ZNF514: variants seen among roughly 807,000 people sequenced by gnomAD.
ZNF514 encodes zinc finger protein 514.
ZNF514 carries 12 observed loss-of-function variants against 9.7 expected under a neutral mutation model. The observed-to-expected ratio is 1.24, with a 90% CI of 0.79 to 2.01. The LOEUF (loss-of-function observed/expected upper bound fraction) is 2.01. Among genes scored for constraint, ZNF514 ranks in the 30% most tolerant of loss-of-function variants. The pLI is 0.00. For synonymous variants in ZNF514, 158 were observed against 163.7 expected (o/e 0.97, Z 0.27); for missense variants, 467 against 465.5 (o/e 1.00, Z -0.03).
intron 2 of ZNF514, among the ~76,000 whole-genome samples, chr2:95,155,970 C>T (rs1272442211): frequency 6.6e-6 from 1 of 152,200 alleles, no homozygotes; most frequent in African/African-American, 2.4e-5. Flanking sequence ...GAGTCACAGT[C>T]AGCCCACTAC....
chr2:95,134,717 G>A, the ZNF514 span, among the ~76,000 whole-genome samples: 2 of 152,088 alleles, frequency 1.3e-5, no homozygotes, highest in Admixed American at 6.6e-5. Context: ...AAATTTATCC[G>A]TTTTCTTCTA....
chr2:95,143,278 T>C (rs1300056890), downstream of ZNF514, among the ~76,000 whole-genome samples: 1 of 152,224 alleles, frequency 6.6e-6, no homozygotes, highest in Non-Finnish European at 1.5e-5. Flanking sequence ...ATTTGAATAA[T>C]AACTGAATCA....
chr2:95,149,165 G>T lies in ZNF514; in HGVS notation c.*117C>A. The T allele has an allele frequency of 7.8e-7, 1 of 1,284,526 alleles. No homozygotes were observed. Among genetic ancestry groups the T allele is most frequent in the Non-Finnish European group, 1.1e-6 (1 of 944,624 alleles). 79.6% of individuals were successfully genotyped at this position (1,284,526 alleles called of 1,614,324 possible). ...TCTTTAGTAATTATTGCCTGATGTGGAACAAGATGTGGTCTTCCCACATAC... is the reference window on the plus strand; with the variant it reads ...TCTTTAGTAATTATTGCCTGATGTGTAACAAGATGTGGTCTTCCCACATAC... On this transcript the variant is annotated 3_prime_UTR_variant, in exon 5 of 5. Transcript: ENST00000295208.
At chr2:95,129,409 G>A in the ZNF514 span, among the ~76,000 whole-genome samples, 49 of 152,234 alleles carry the variant, frequency 3.2e-4, no homozygotes, top group Admixed American at 2.7e-3. Flanking sequence ...CTCGACAGGT[G>A]TGATGAAGAA....
rs988393547 is a variant in ZNF514, at chr2:95,150,115, C to G, written c.370G>C (p.Glu124Gln). The G allele has an allele frequency of 1.5e-5, 24 of 1,612,318 alleles. No individual in the cohort carries two copies. Among genetic ancestry groups the G allele is most frequent in the Non-Finnish European group, 1.9e-5 (22 of 1,180,000 alleles). The change falls in exon 5 of 5, where the codon GAG becomes CAG. Residue 124 changes from glutamate (E) to glutamine (Q), a missense_variant. By Grantham distance (29) the Glu-to-Gln change is conservative. Coordinates refer to ENST00000295208, the MANE Select transcript of ZNF514 (RefSeq NM_032788.3). ...KAACGCDGQL[E>Q]MQQIKQERHL... is the part of the protein sequence containing the mutation. ...CTCTCCTGTTTTATCTGCTGCATCT[C>G]TAACTGGCCATCACAACCGCAGGCT... is the stretch of plus-strand genomic sequence containing the variant.
At chr2:95,125,593 T>C in the ZNF514 span, among the ~76,000 whole-genome samples, 1 of 152,238 alleles carries the variant, frequency 6.6e-6, no homozygotes, top group South Asian at 2.1e-4. Context: ...TTCACGTTGT[T>C]GTGCTACCAT....
the ZNF514 span, among the ~76,000 whole-genome samples, chr2:95,128,644 G>T: frequency 1.3e-5 from 2 of 151,008 alleles, no homozygotes; most frequent in Non-Finnish European, 3.0e-5. Context: ...GAAGAAGAAA[G>T]AAAAAGGAGG....
At chr2:95,123,194 C>G in the ZNF514 span, among the ~76,000 whole-genome samples, 1 of 152,186 alleles carries the variant, frequency 6.6e-6, no homozygotes, top group South Asian at 2.1e-4. Context: ...TTCTATCCAC[C>G]TCATTAAAAT....
At chr2:95,125,862 A>T in the ZNF514 span, among the ~76,000 whole-genome samples, 1 of 152,192 alleles carries the variant, frequency 6.6e-6, no homozygotes, top group South Asian at 2.1e-4. Flanking sequence ...TTCATCTGTC[A>T]ATGGACACTT....
At chr2:95,130,636 T>G in the ZNF514 span, among the ~76,000 whole-genome samples, 23 of 152,346 alleles carry the variant, frequency 1.5e-4, no homozygotes, top group African/African-American at 5.0e-4. Context: ...TCCCATTTGC[T>G]TTTGAAAGAA....
chr2:95,149,205 A>C lies in ZNF514; in HGVS notation c.*77T>G, dbSNP rs917748167. On this transcript the variant is annotated 3_prime_UTR_variant, in exon 5 of 5. Transcript: ENST00000295208. ...TTCCCACATACATTACACCTTTAGG[A>C]TCTCTCTCTGATATGAATTCTTTAA... 1 of 1,477,194 alleles carries C rather than the reference A, an allele frequency of 6.8e-7. No homozygotes were observed. Among genetic ancestry groups the C allele is most frequent in the African/African-American group, 1.4e-5 (1 of 70,842 alleles). 91.5% of individuals were successfully genotyped at this position (1,477,194 alleles called of 1,614,324 possible).
intron 2 of ZNF514, 124 bp from the exon 3 acceptor site, chr2:95,153,383 T>C: frequency 1.1e-6 from 1 of 903,978 alleles, no homozygotes. Context: ...TGGAGGTAAA[T>C]GTAATACATT....
At position 95,157,362 on chromosome 2, in the gene ZNF514, C is replaced by T; in HGVS notation, c.-18G>A. 2.3e-6 allele frequency: 3 copies of T among 1,289,668 alleles called. No individual in the cohort carries two copies. The highest frequency in any genetic ancestry group is 3.0e-6 in the Non-Finnish European group (3 of 988,780). The allele number at this position is 1,289,668 out of a possible 1,614,324, so 79.9% of individuals were successfully genotyped here. ...AGAATACAACTCACCCGAGGCCTGGCTTTCAGGAATGAATTGGTTGTTCCC... is the reference window on the plus strand; with the variant it reads ...AGAATACAACTCACCCGAGGCCTGGTTTTCAGGAATGAATTGGTTGTTCCC... On this transcript the variant is annotated 5_prime_UTR_variant, in exon 2 of 5. Coordinates refer to ENST00000295208, the MANE Select transcript of ZNF514 (RefSeq NM_032788.3).
At chr2:95,130,819 C>T in the ZNF514 span, among the ~76,000 whole-genome samples, 1 of 152,058 alleles carries the variant, frequency 6.6e-6, no homozygotes, top group East Asian at 1.9e-4. Flanking sequence ...ATTACAGGGT[C>T]CTGGAACGAT....
chr2:95,130,550 C>CAG, the ZNF514 span, among the ~76,000 whole-genome samples: 1 of 152,196 alleles, frequency 6.6e-6, no homozygotes, highest in Non-Finnish European at 1.5e-5. Flanking sequence ...GGGGCCGGTT[C>CAG]AGAGACCTAC....
At chr2:95,127,569 GTTTT>G in the ZNF514 span, among the ~76,000 whole-genome samples, 1 of 148,606 alleles carries the variant, frequency 6.7e-6, no homozygotes, top group Non-Finnish European at 1.5e-5. Flanking sequence ...TGGTTGTTTT[GTTTT>G]TGTTTTTGTT....
Position 95,145,674 on chromosome 2 carries a change from T to C in ZNF514, c.*3608A>G, listed in dbSNP as rs1001412977. ...TCCCTTCCCCACCAGCTTCAAGTTG[T>C]CCTGCCTTTCTCCATCGAACCAATG... On this transcript the variant is annotated 3_prime_UTR_variant, in exon 5 of 5. Coordinates refer to ENST00000295208, the MANE Select transcript of ZNF514 (RefSeq NM_032788.3). 1.3e-5 allele frequency among the ~76,000 whole-genome samples: 2 copies of C among 152,206 alleles called. No individual in the cohort carries two copies. The highest frequency in any genetic ancestry group is 1.9e-4 in the East Asian group (1 of 5,204).
In ZNF514 at chr2:95,150,287, AAAAAG is replaced by A. The variant is rs746216508; in HGVS notation, c.218-25_218-21del. ...TCCAGTCTGTTAAAAAAAAAAAAAA[AAAAAG>A]AAGACATTCTAGTATGTAGAATGTC... On this transcript the variant is annotated intron_variant, in intron 4 of 4. Transcript: ENST00000295208. 4.6e-6 allele frequency: 7 copies of A among 1,528,942 alleles called. No homozygotes were observed. The highest frequency in any genetic ancestry group is 6.1e-6 in the Non-Finnish European group (7 of 1,150,058). 94.7% of individuals were successfully genotyped at this position (1,528,942 alleles called of 1,614,324 possible).
chr2:95,125,577 A>C, the ZNF514 span, among the ~76,000 whole-genome samples: 123 of 152,342 alleles, frequency 8.1e-4, no homozygotes, highest in Non-Finnish European at 1.5e-3. Flanking sequence ...AGTGGCATTA[A>C]GTACATTCAC....
Sources: gnomAD v4.1 joint callset for allele counts (sites outside exome capture counted in the v4.1 genomes callset) on GRCh38, gnomAD v4.1.1 for gene constraint, MANE v1.5 for transcripts, NCBI Gene and HGNC (gene_info 2026-07-23, HGNC 2026-07-21) for gene names.